The following ATP8A2 variants were observed in gnomAD, a reference collection of about 807,000 sequenced individuals.
ATP8A2 encodes the protein ATPase phospholipid transporting 8A2.
A neutral mutation model predicts 165.6 loss-of-function variants in ATP8A2; 100 were observed. The observed-to-expected ratio is 0.60, with a 90% confidence interval of 0.51 to 0.71. The LOEUF is 0.71. Ranked by LOEUF, ATP8A2 falls within the 30% of genes least tolerant of loss-of-function variation. The probability of loss-of-function intolerance (pLI) is 0.00; values close to 1 mark genes in which losing one functional copy is unlikely to be tolerated. For missense variants in ATP8A2, 1,227 were observed against 1,479.5 expected (o/e 0.83, Z 2.80); for synonymous variants, 543 against 548.8 (o/e 0.99, Z 0.15).
intron 1 of ATP8A2, among the ~76,000 whole-genome samples, chr13:25,441,861 T>G (rs1201138470): frequency 6.6e-6 from 1 of 152,202 alleles, no homozygotes; most frequent in Non-Finnish European, 1.5e-5. Context: ...CCAGGACTTT[T>G]TTCATCTGTA....
At chr13:25,801,077 T>A (rs1278905404) in intron 27 of ATP8A2, among the ~76,000 whole-genome samples, 2 of 152,162 alleles carry the variant, frequency 1.3e-5, no homozygotes, top group African/African-American at 2.4e-5. Context: ...GGTTATTGTC[T>A]GAATAACATA....
At chr13:25,862,266 G>T in intron 32 of ATP8A2, 35 bp from the exon 33 acceptor site, 2 of 1,536,736 alleles carry the variant, frequency 1.3e-6, no homozygotes, top group East Asian at 2.2e-5. Flanking sequence ...CAGGCTGGTC[G>T]AGAAGCCTGT....
chr13:25,502,244 A>G (rs55734718), intron 2 of ATP8A2, among the ~76,000 whole-genome samples: 19,378 of 152,220 alleles, frequency 0.13, 1,436 homozygotes, highest in Non-Finnish European at 0.18. Context: ...AGGAGGTGTG[A>G]TGTGGTGAGG....
At chr13:25,768,089 G>A (rs576416455) in intron 25 of ATP8A2, among the ~76,000 whole-genome samples, 42 of 117,334 alleles carry the variant, frequency 3.6e-4, no homozygotes, top group African/African-American at 1.3e-3. Flanking sequence ...GGGGGGGGTG[G>A]TGGGGGGGCA....
intron 24 of ATP8A2, among the ~76,000 whole-genome samples, chr13:25,673,050 G>A (rs1218355946): frequency 6.6e-6 from 1 of 152,142 alleles, no homozygotes; most frequent in Non-Finnish European, 1.5e-5. Context: ...AATCTCTCCA[G>A]CTTCTTTGGA....
intron 1 of ATP8A2, among the ~76,000 whole-genome samples, chr13:25,416,040 C>G (rs1488504912): frequency 6.6e-6 from 1 of 152,206 alleles, no homozygotes; most frequent in Non-Finnish European, 1.5e-5. Flanking sequence ...GTTGCCTGGG[C>G]TCATCTCAAA....
At chr13:25,802,619 A>C (rs1322589167) in intron 27 of ATP8A2, among the ~76,000 whole-genome samples, 2 of 152,322 alleles carry the variant, frequency 1.3e-5, no homozygotes, top group East Asian at 3.9e-4. Flanking sequence ...CAGTATGTGT[A>C]TCAGTTCTGA....
intron 35 of ATP8A2, among the ~76,000 whole-genome samples, chr13:25,999,045 G>T (rs1335388534): frequency 9.2e-5 from 14 of 152,140 alleles, no homozygotes; most frequent in Admixed American, 9.2e-4. Flanking sequence ...GGATAGACAC[G>T]AGACAAATGG....
At chr13:25,947,685 G>C (rs887001834) in intron 33 of ATP8A2, among the ~76,000 whole-genome samples, 24 of 152,204 alleles carry the variant, frequency 1.6e-4, no homozygotes, top group African/African-American at 4.8e-4. Flanking sequence ...AAGCAGCTGA[G>C]GCTCTGGAGC....
At chr13:25,552,875 T>C (rs1401800383) in intron 11 of ATP8A2, among the ~76,000 whole-genome samples, 1 of 152,016 alleles carries the variant, frequency 6.6e-6, no homozygotes, top group Non-Finnish European at 1.5e-5. Flanking sequence ...TCCTTGTCTT[T>C]CCATCACAGC....
intron 30 of ATP8A2, among the ~76,000 whole-genome samples, chr13:25,844,088 C>T (rs143569590): frequency 7.0e-4 from 107 of 152,156 alleles, no homozygotes; most frequent in Admixed American, 1.8e-3. Context: ...TTTAGTGGGA[C>T]TGGGGGTGGC....
intron 27 of ATP8A2, among the ~76,000 whole-genome samples, chr13:25,804,263 C>T (rs949818795): frequency 2.0e-5 from 3 of 152,022 alleles, no homozygotes; most frequent in African/African-American, 7.3e-5. Context: ...GGATTCTTGG[C>T]TGTGAAGGAG....
intron 19 of ATP8A2, 53 bp downstream of exon 19, chr13:25,574,910 C>A: frequency 9.8e-7 from 1 of 1,025,416 alleles, no homozygotes; most frequent in South Asian, 1.4e-5. Context: ...TATTTACCAG[C>A]TTCATCAGAG....
chr13:25,973,254 G>A (rs529240045), intron 35 of ATP8A2, among the ~76,000 whole-genome samples: 11 of 152,286 alleles, frequency 7.2e-5, no homozygotes, highest in South Asian at 4.2e-4. Context: ...CCGTCGCCTC[G>A]TCTCCCTTCG....
intron 30 of ATP8A2, among the ~76,000 whole-genome samples, chr13:25,848,685 C>T (rs371189157): frequency 5.3e-5 from 8 of 152,264 alleles, no homozygotes; most frequent in East Asian, 1.9e-4. Context: ...CACCCGGCAG[C>T]GCTGGTTGTG....
At chr13:25,639,831 A>C (rs1242125790) in intron 24 of ATP8A2, among the ~76,000 whole-genome samples, 1 of 152,210 alleles carries the variant, frequency 6.6e-6, no homozygotes, top group Non-Finnish European at 1.5e-5. Flanking sequence ...CACTTATTCC[A>C]AAATTGACCA....
intron 33 of ATP8A2, among the ~76,000 whole-genome samples, chr13:25,881,795 AG>A (rs779541554): frequency 7.5e-4 from 114 of 152,306 alleles, no homozygotes; most frequent in Non-Finnish European, 1.1e-3. Flanking sequence ...GCCTCATCAG[AG>A]GGCTTGTAGA....
At chr13:25,531,254 A>ATATATGATATATATGT (rs1566229143) in intron 4 of ATP8A2, among the ~76,000 whole-genome samples, 94 of 18,806 alleles carry the variant, frequency 5.0e-3, no homozygotes, top group Non-Finnish European at 7.8e-3. Flanking sequence ...GTTATATATG[A>ATATATGATATATATGT]TATATATGAT....
chr13:25,582,980 A>G (rs2039817331), intron 23 of ATP8A2, among the ~76,000 whole-genome samples: 1 of 151,890 alleles, frequency 6.6e-6, no homozygotes, highest in East Asian at 1.9e-4. Flanking sequence ...AGAGAGTAAC[A>G]TAGGATTCAT....
Sources: gnomAD v4.1 joint callset for allele counts (sites outside exome capture counted in the v4.1 genomes callset) on GRCh38, gnomAD v4.1.1 for gene constraint, MANE v1.5 for transcripts, NCBI Gene and HGNC (gene_info 2026-07-23, HGNC 2026-07-21) for gene names.